The following FUT9 variants were observed in gnomAD, a reference collection of about 807,000 sequenced individuals.
FUT9 encodes the protein 4-galactosyl-N-acetylglucosaminide 3-alpha-L-fucosyltransferase 9.
In FUT9, 15 loss-of-function variants were observed where a neutral mutation model predicts 29.7. The observed-to-expected ratio is 0.51, with a 90% CI of 0.34 to 0.78. The LOEUF (loss-of-function observed/expected upper bound fraction) is 0.78, where lower values mean the gene tolerates loss of function less well. Ranked by LOEUF, FUT9 falls within the 30% of genes least tolerant of loss-of-function variation. The pLI, the probability that FUT9 is intolerant of heterozygous loss-of-function variation, is 0.01. For missense variants in FUT9, 319 were observed against 425.4 expected (o/e 0.75, Z 2.20); for synonymous variants, 169 against 153.7 (o/e 1.10, Z -0.74).
chr6:96,050,611 A>G (rs991803306), intron 1 of FUT9, among the ~76,000 whole-genome samples: 18 of 152,210 alleles, frequency 1.2e-4, no homozygotes, highest in Non-Finnish European at 8.8e-5. Flanking sequence ...CTCTTTCTGA[A>G]CTAATCTCAA....
intron 2 of FUT9, among the ~76,000 whole-genome samples, chr6:96,114,983 C>A (rs144635622): frequency 1.3e-3 from 198 of 152,238 alleles, no homozygotes; most frequent in African/African-American, 4.6e-3. Flanking sequence ...GCTTCTCAAG[C>A]CTTACTCTCT....
chr6:96,124,796 T>C (rs965883127), intron 2 of FUT9, among the ~76,000 whole-genome samples: 5 of 152,216 alleles, frequency 3.3e-5, no homozygotes, highest in African/African-American at 1.2e-4. Flanking sequence ...AAAATAACTC[T>C]TCCTCTCTCT....
intron 1 of FUT9, among the ~76,000 whole-genome samples, chr6:96,023,173 T>C (rs964488677): frequency 6.6e-6 from 1 of 151,976 alleles, no homozygotes; most frequent in South Asian, 2.1e-4. Context: ...AATGTCCCAA[T>C]AAGGTGCTGA....
chr6:96,037,319 G>C (rs1398828817), intron 1 of FUT9: 1 of 152,014 alleles, frequency 6.6e-6, no homozygotes, highest in African/African-American at 2.4e-5. Flanking sequence ...CCTAGGAATT[G>C]CATCCAGGTT....
At chr6:96,118,317 CA>C (rs879435378) in intron 2 of FUT9, among the ~76,000 whole-genome samples, 43 of 146,624 alleles carry the variant, frequency 2.9e-4, no homozygotes, top group Admixed American at 8.2e-4. Context: ...ATGCAAGAAC[CA>C]AAAAAAAAAG....
At chr6:96,089,727 C>A (rs1468482623) in intron 1 of FUT9, among the ~76,000 whole-genome samples, 1 of 152,002 alleles carries the variant, frequency 6.6e-6, no homozygotes, top group Non-Finnish European at 1.5e-5. Flanking sequence ...ACTGCCCTAC[C>A]AACACAAAGA....
chr6:96,057,454 A>G (rs1295241596), intron 1 of FUT9, among the ~76,000 whole-genome samples: 1 of 152,218 alleles, frequency 6.6e-6, no homozygotes, highest in African/African-American at 2.4e-5. Flanking sequence ...TAATAAAGAA[A>G]CAGAAAGAAA....
rs1021465033 is a variant in FUT9, at chr6:96,215,308, G to A, written c.*11073G>A. 3.6e-5 allele frequency: 6 copies of A among 166,936 alleles called. No individual in the cohort carries two copies. Among genetic ancestry groups the A allele is most frequent in the African/African-American group, 1.2e-4 (5 of 41,422 alleles). The allele number at this position is 166,936 out of a possible 1,614,324, so 10.3% of individuals were successfully genotyped here. A position where few individuals can be genotyped will look rare whatever the true frequency, so the allele number is the denominator to read the frequency against. ...ACAACATGGATTCCTTCTCATGGAT[G>A]TCTTTCTAGGCTTATAAATATATGG... On this transcript the variant is annotated 3_prime_UTR_variant, in exon 3 of 3. Transcript: ENST00000302103.
chr6:96,056,691 A>T (rs1448655643), intron 1 of FUT9, among the ~76,000 whole-genome samples: 2 of 152,148 alleles, frequency 1.3e-5, no homozygotes, highest in Non-Finnish European at 2.9e-5. Context: ...TCGAGTAGGC[A>T]GAGCTATGAT....
intron 1 of FUT9, among the ~76,000 whole-genome samples, chr6:96,069,042 C>T (rs1389504406): frequency 1.3e-5 from 2 of 152,154 alleles, no homozygotes; most frequent in Non-Finnish European, 2.9e-5. Context: ...ATTGACCGGG[C>T]GCAGTGGCTT....
chr6:96,053,784 TTA>T (rs1383786225), intron 1 of FUT9, among the ~76,000 whole-genome samples: 6 of 152,096 alleles, frequency 3.9e-5, no homozygotes, highest in African/African-American at 1.4e-4. Context: ...ATATCATGTG[TTA>T]TATGTTTTTT....
chr6:96,105,150 T>C (rs1771654868), intron 1 of FUT9, among the ~76,000 whole-genome samples: 1 of 152,206 alleles, frequency 6.6e-6, no homozygotes, highest in Non-Finnish European at 1.5e-5. Context: ...AGGAGATAAA[T>C]CTGTTTTAAA....
intron 1 of FUT9, among the ~76,000 whole-genome samples, chr6:96,083,986 CAT>C (rs1478493389): frequency 6.6e-6 from 1 of 151,998 alleles, no homozygotes; most frequent in Non-Finnish European, 1.5e-5. Context: ...TTCCTTCTCA[CAT>C]GTCATTATAT....
intron 2 of FUT9, among the ~76,000 whole-genome samples, chr6:96,202,718 T>C (rs182290124): frequency 6.6e-6 from 1 of 152,268 alleles, no homozygotes; most frequent in African/African-American, 2.4e-5. Flanking sequence ...ACCACAAAGT[T>C]ATGGTACAGT....
chr6:96,044,651 TC>T (rs1311708345), intron 1 of FUT9, among the ~76,000 whole-genome samples: 5 of 152,084 alleles, frequency 3.3e-5, no homozygotes, highest in Admixed American at 2.6e-4. Flanking sequence ...TGCTTTTTTT[TC>T]CCCCTGATTT....
chr6:96,021,325 T>A (rs1245849623), intron 1 of FUT9, among the ~76,000 whole-genome samples: 1 of 151,960 alleles, frequency 6.6e-6, no homozygotes, highest in Non-Finnish European at 1.5e-5. Context: ...ATTAGTAGTA[T>A]GAACACAGGT....
chr6:96,096,506 T>A (rs909050656), intron 1 of FUT9, among the ~76,000 whole-genome samples: 10 of 152,120 alleles, frequency 6.6e-5, no homozygotes, highest in African/African-American at 2.4e-4. Flanking sequence ...TTATAAGAAT[T>A]TACCTAATCT....
chr6:96,120,228 A>G lies in FUT9; in HGVS notation c.-9+6101A>G, dbSNP rs890518413. On this transcript the variant is annotated intron_variant, in intron 2 of 2. Transcript: ENST00000302103. Reference sequence around the variant, plus strand: ...TGTTTTTGTTTAAAAGACTATTCAGAAGAGTTCCTTTTTATAAGACCCACT... The same window carrying G: ...TGTTTTTGTTTAAAAGACTATTCAGGAGAGTTCCTTTTTATAAGACCCACT... 3.3e-5 allele frequency among the ~76,000 whole-genome samples: 5 copies of G among 149,578 alleles called. 1 individual carries two copies. Among genetic ancestry groups the G allele is most frequent in the African/African-American group, 9.8e-5 (4 of 40,960 alleles).
chr6:96,132,467 G>T (rs969605536), intron 2 of FUT9, among the ~76,000 whole-genome samples: 13 of 152,144 alleles, frequency 8.5e-5, no homozygotes, highest in Admixed American at 5.2e-4. Context: ...AATCATGAGG[G>T]TTTGGATAAT....
Sources: gnomAD v4.1 joint callset for allele counts (sites outside exome capture counted in the v4.1 genomes callset) on GRCh38, gnomAD v4.1.1 for gene constraint, MANE v1.5 for transcripts, NCBI Gene and HGNC (gene_info 2026-07-23, HGNC 2026-07-21) for gene names.